The following CCDC110 variants were observed in gnomAD, a reference collection of about 807,000 sequenced individuals.
CCDC110 encodes coiled-coil domain-containing protein 110.
Under a neutral mutation model 77.1 loss-of-function variants are expected in CCDC110, and 70 were observed. The ratio of observed to expected loss-of-function variants is 0.91; its 90% CI spans 0.75 to 1.11. The LOEUF is 1.11. Among genes scored for constraint, CCDC110 ranks in the 50% least tolerant of loss-of-function variants. The pLI, the probability that CCDC110 is intolerant of heterozygous loss-of-function variation, is 0.00. For missense variants in CCDC110, 868 were observed against 942.9 expected (o/e 0.92, Z 1.04); for synonymous variants, 295 against 312.5 (o/e 0.94, Z 0.59).
chr4:185,464,111 A>G (rs2095651316), intron 2 of CCDC110, among the ~76,000 whole-genome samples: 1 of 152,206 alleles, frequency 6.6e-6, no homozygotes, highest in Non-Finnish European at 1.5e-5. Flanking sequence ...GAGTGTATTC[A>G]TAAAAGCTTT....
chr4:185,461,167 A>T lies in CCDC110; in HGVS notation c.238-8T>A. The T allele has an allele frequency of 7.5e-7, 1 of 1,340,698 alleles. No homozygotes were observed. The highest frequency in any genetic ancestry group is 1.0e-6 in the Non-Finnish European group (1 of 954,282). The allele number at this position is 1,340,698 out of a possible 1,614,324, so 83.1% of individuals were successfully genotyped here. A position where few individuals can be genotyped will look rare whatever the true frequency, so the allele number is the denominator to read the frequency against. ...ACTGATTTCCGACTGTACCTTTAAAAGATAAATTGAGAAAAATTTGATTTC... is the reference window on the plus strand; with the variant it reads ...ACTGATTTCCGACTGTACCTTTAAATGATAAATTGAGAAAAATTTGATTTC... On this transcript the variant is annotated splice_region_variant and splice_polypyrimidine_tract_variant and intron_variant, in intron 4 of 6. Transcript: ENST00000307588.
In CCDC110 at chr4:185,468,375, T is replaced by C. The variant is rs1462061596; in HGVS notation, c.115+2570A>G. Among the ~76,000 whole-genome samples, 1 of 152,252 alleles carries C rather than the reference T, an allele frequency of 6.6e-6. No individual in the cohort carries two copies. The highest frequency in any genetic ancestry group is 1.5e-5 in the Non-Finnish European group (1 of 68,040). ...ACTCATTACTGCAGAGGCAATATGA[T>C]GATAATTTGGTAAATTCAAAATTTC... is the stretch of plus-strand genomic sequence containing the variant. On this transcript the variant is annotated intron_variant, in intron 2 of 6. Coordinates refer to ENST00000307588, the MANE Select transcript of CCDC110 (RefSeq NM_152775.4). The surrounding 1 kb of genome is among the most constrained non-coding windows in gnomAD (Gnocchi z 4.5).
chr4:185,458,672 C>T lies in CCDC110; in HGVS notation c.1915G>A (p.Asp639Asn). Residue 639 changes from aspartate to asparagine, a missense_variant, in exon 6 of 7, where the codon GAT becomes AAT. Physicochemically the swap from Asp to Asn is conservative, Grantham distance 23 (BLOSUM62 1). Transcript: ENST00000307588. ...TLLQIIETVK[D>N]EKLNLETTLQ... ...GTTGTTTCAAGGTTGAGTTTTTCATCTTTAACTGTTTCTATTATTTGAAGA... is the reference window on the plus strand; with the variant it reads ...GTTGTTTCAAGGTTGAGTTTTTCATTTTTAACTGTTTCTATTATTTGAAGA... 1 of 1,604,226 alleles carries T rather than the reference C, an allele frequency of 6.2e-7. No homozygotes were observed. Among genetic ancestry groups the T allele is most frequent in the Non-Finnish European group, 8.5e-7 (1 of 1,178,298 alleles).
At chr4:185,450,253 T>C (rs972882024) in intron 6 of CCDC110, among the ~76,000 whole-genome samples, 2 of 151,962 alleles carry the variant, frequency 1.3e-5, no homozygotes, top group Non-Finnish European at 2.9e-5. Context: ...GTTTGAGGGG[T>C]TGAGGGGAAT....
At chr4:185,464,878 T>G (rs546334823) in intron 2 of CCDC110, among the ~76,000 whole-genome samples, 1 of 152,284 alleles carries the variant, frequency 6.6e-6, no homozygotes, top group Admixed American at 6.5e-5. Context: ...TCCTAAGAGA[T>G]CCCTGTAAAC....
chr4:185,460,833 A>G, intron 5 of CCDC110: 1 of 473,640 alleles, frequency 2.1e-6, no homozygotes, highest in South Asian at 1.8e-5. Context: ...ACTAAGTCAA[A>G]TGTCCCTCAC....
intron 6 of CCDC110, among the ~76,000 whole-genome samples, chr4:185,456,142 A>G (rs1288803696): frequency 1.2e-5 from 1 of 84,344 alleles, no homozygotes; most frequent in Admixed American, 1.4e-4. Flanking sequence ...TCAATAAATT[A>G]AAAAAGATTA....
At chr4:185,453,394 T>C (rs1418685929) in intron 6 of CCDC110, among the ~76,000 whole-genome samples, 3 of 152,378 alleles carry the variant, frequency 2.0e-5, no homozygotes, top group African/African-American at 7.2e-5. Context: ...TAATGCGATG[T>C]GCCAGATACC....
intron 3 of CCDC110, 40 bp downstream of exon 3, chr4:185,462,954 C>T (rs1411155319): frequency 6.6e-7 from 1 of 1,514,382 alleles, no homozygotes; most frequent in Non-Finnish European, 9.2e-7. Context: ...TCAGCCTTTA[C>T]CCAGAATTTT....
chr4:185,471,474 G>C (rs2153326851), intron 1 of CCDC110, 200 bp downstream of exon 1: 1 of 538,644 alleles, frequency 1.9e-6, no homozygotes, highest in Non-Finnish European at 3.1e-6. Flanking sequence ...AGACCACGTA[G>C]CCAGCCTGTA....
chr4:185,458,838 A>G lies in CCDC110; in HGVS notation c.1749T>C (p.Asp583=). 1.2e-6 allele frequency: 2 copies of G among 1,603,706 alleles called. No individual in the cohort carries two copies. Among genetic ancestry groups the G allele is most frequent in the Non-Finnish European group, 1.7e-6 (2 of 1,177,612 alleles). The change falls in exon 6 of 7, where the codon GAT becomes GAC. Residue 583 remains aspartate, a synonymous_variant. Coordinates refer to ENST00000307588, the MANE Select transcript of CCDC110 (RefSeq NM_152775.4). ...AMKTNILLIQ[D]EKEMLEKKTH... ...TTTTTTTCTCTAACATTTCTTTTTC[A>G]TCTTGTATCAACAGAATATTGGTTT...
intron 6 of CCDC110, among the ~76,000 whole-genome samples, chr4:185,450,582 A>G (rs59848495): frequency 0.075 from 11,433 of 152,144 alleles, 479 homozygotes; most frequent in South Asian, 0.11. Flanking sequence ...CCCTGTCTCT[A>G]CTAACAATAC....
At position 185,458,239 on chromosome 4, in the gene CCDC110, T is replaced by C; in HGVS notation, c.2348A>G (p.Asn783Ser). The C allele has an allele frequency of 4.4e-6, 7 of 1,602,730 alleles. No individual in the cohort carries two copies. In the South Asian group the frequency reaches 6.8e-5, roughly 16 times the overall value. The change falls in exon 6 of 7, where the codon AAT becomes AGT. Residue 783 changes from asparagine (N) to serine (S), a missense_variant. Asn to Ser is a conservative substitution (Grantham distance 46). Coordinates refer to ENST00000307588, the MANE Select transcript of CCDC110 (RefSeq NM_152775.4). ...SLSDKICNQH[N>S]DPSKTTYISR... ...AATGTAAGTTGTTTTTGAAGGGTCA[T>C]TATGCTGATTACAAATTTTATCACT...
chr4:185,460,979 T>C, intron 5 of CCDC110, 70 bp downstream of exon 5: 1 of 332,454 alleles, frequency 3.0e-6, no homozygotes, highest in East Asian at 4.4e-5. Context: ...CCATGTAAAG[T>C]GAAATGAACT....
chr4:185,456,978 AC>A (rs1425695403), intron 6 of CCDC110, among the ~76,000 whole-genome samples: 42 of 152,292 alleles, frequency 2.8e-4, no homozygotes, highest in Admixed American at 2.5e-3. Flanking sequence ...ATACAGACCA[AC>A]ATCCTTCTGA....
intron 4 of CCDC110, 84 bp from the exon 5 acceptor site, chr4:185,461,243 GGT>G: frequency 1.5e-6 from 1 of 665,492 alleles, no homozygotes; most frequent in South Asian, 2.1e-5. Flanking sequence ...ATAATTAAAA[GGT>G]GTGTTTAAAT....
rs532119273 is a variant in CCDC110, at chr4:185,445,464, A to G, written c.*38T>C. 14 of 1,454,018 alleles carry G rather than the reference A, an allele frequency of 9.6e-6. No homozygotes were observed. In the East Asian group the frequency reaches 1.1e-4, roughly 12 times the overall value. The allele number at this position is 1,454,018 out of a possible 1,614,324, so 90.1% of individuals were successfully genotyped here. A position where few individuals can be genotyped will look rare whatever the true frequency, so the allele number is the denominator to read the frequency against. ...GTTAGCAGTACAATTAACATTGGCT[A>G]TTTCTCGAAGGGAGTTTCTTAGCAA... On this transcript the variant is annotated 3_prime_UTR_variant, in exon 7 of 7. Coordinates refer to ENST00000307588, the MANE Select transcript of CCDC110 (RefSeq NM_152775.4).
At chr4:185,447,431 T>C (rs962441706) in intron 6 of CCDC110, among the ~76,000 whole-genome samples, 63 of 152,204 alleles carry the variant, frequency 4.1e-4, no homozygotes, top group East Asian at 1.2e-3. Context: ...CCACCCACCT[T>C]GGCCTCCCAA....
chr4:185,457,006 C>A (rs754217181), intron 6 of CCDC110, among the ~76,000 whole-genome samples: 1 of 151,996 alleles, frequency 6.6e-6, no homozygotes, highest in Non-Finnish European at 1.5e-5. Flanking sequence ...AAGCAGAAAT[C>A]CTTAACAAAA....
Sources: allele counts gnomAD v4.1 joint callset (sites outside exome capture counted in the v4.1 genomes callset), GRCh38; gene constraint gnomAD v4.1.1; non-coding constraint Gnocchi (gnomAD v3.1); transcripts MANE v1.5; gene names NCBI Gene and HGNC (gene_info 2026-07-23, HGNC 2026-07-21).